Variants in PXYLP1 observed in about 807,000 individuals in gnomAD.
The protein encoded by PXYLP1 is 2-phosphoxylose phosphatase 1.
PXYLP1 carries 17 observed loss-of-function variants against 37.9 expected under a neutral mutation model. The observed-to-expected ratio is 0.45, with a 90% CI of 0.31 to 0.67. PXYLP1 has a LOEUF of 0.67. PXYLP1 is among the 30% of genes least tolerant of loss of function. The probability of loss-of-function intolerance (pLI) is 0.07; values close to 1 mark genes in which losing one functional copy is unlikely to be tolerated. For synonymous variants in PXYLP1, 221 were observed against 232.2 expected (o/e 0.95, Z 0.44); for missense variants, 511 against 612.0 (o/e 0.84, Z 1.74).
chr3:141,255,359 C>T (rs1000832511), intron 1 of PXYLP1, among the ~76,000 whole-genome samples: 5 of 152,332 alleles, frequency 3.3e-5, no homozygotes, highest in Middle Eastern at 3.4e-3. Context: ...TATGTTCAGC[C>T]TGGACATATA....
At chr3:141,259,150 A>G (rs1014004055) in intron 1 of PXYLP1, among the ~76,000 whole-genome samples, 2 of 152,224 alleles carry the variant, frequency 1.3e-5, no homozygotes, top group African/African-American at 4.8e-5. Flanking sequence ...ATTCACAGTT[A>G]CACAGCCCTC....
intron 4 of PXYLP1, among the ~76,000 whole-genome samples, chr3:141,280,073 CAG>C (rs1941910923): frequency 6.6e-6 from 1 of 152,164 alleles, no homozygotes; most frequent in African/African-American, 2.4e-5. Context: ...AATAATTGAA[CAG>C]AGTGTGGAAA....
intron 1 of PXYLP1, chr3:141,258,558 G>A (rs1231100134): frequency 6.5e-6 from 1 of 153,268 alleles, no homozygotes; most frequent in Non-Finnish European, 1.5e-5. Context: ...TGCCTCTCCA[G>A]CACTCAGAGA....
intron 1 of PXYLP1, among the ~76,000 whole-genome samples, chr3:141,255,075 C>T (rs1941235671): frequency 6.6e-6 from 1 of 152,176 alleles, no homozygotes; most frequent in Admixed American, 6.5e-5. Flanking sequence ...CCTTTTAATT[C>T]AGAAATGGTA....
At chr3:141,247,988 A>G (rs1399509880) in intron 1 of PXYLP1, among the ~76,000 whole-genome samples, 4 of 151,236 alleles carry the variant, frequency 2.6e-5, no homozygotes, top group Non-Finnish European at 5.9e-5. Flanking sequence ...GCTGAGCTGA[A>G]TCAAAGCTTC....
At chr3:141,235,136 T>C (rs954796266) in intron 1 of PXYLP1, 9 of 152,154 alleles carry the variant, frequency 5.9e-5, no homozygotes, top group African/African-American at 2.2e-4. Flanking sequence ...CACATTCCAG[T>C]GTAGGGGTTA....
At chr3:141,285,558 A>G (rs1046207083) in intron 4 of PXYLP1, among the ~76,000 whole-genome samples, 8 of 152,240 alleles carry the variant, frequency 5.3e-5, no homozygotes, top group African/African-American at 1.9e-4. Context: ...ATTGGAATGA[A>G]TGCAGTTAGA....
Position 141,292,769 on chromosome 3 carries a change from G to A in PXYLP1, c.1007G>A (p.Arg336Gln), listed in dbSNP as rs115260575. 21 of 1,613,492 alleles carry A rather than the reference G, an allele frequency of 1.3e-5. No homozygotes were observed. The highest frequency in any genetic ancestry group is 1.7e-4 in the Middle Eastern group (1 of 6,052). The stretch of plus-strand genomic sequence containing the variant: ...CAGATCGAGGATGAAAGGGAAAGAC[G>A]GGAGAAGAAATTGTACTTCGGGTAT... Reference protein sequence around the residue: ...THQIEDERERREKKLYFGYSL... With the variant: ...THQIEDERERQEKKLYFGYSL... Residue 336 changes from arginine (R) to glutamine (Q), a missense_variant, in exon 6 of 6, where the codon CGG becomes CAG. Coordinates refer to ENST00000286353, the MANE Select transcript of PXYLP1 (RefSeq NM_001037172.3). The surrounding 1 kb of genome is among the most constrained non-coding windows in gnomAD (Gnocchi z 4.3).
At chr3:141,274,542 G>C in intron 2 of PXYLP1, 2 of 1,295,322 alleles carry the variant, frequency 1.5e-6, no homozygotes, top group Non-Finnish European at 2.2e-6. Flanking sequence ...GACTGGTTCG[G>C]CAACCCTCAG....
At chr3:141,240,409 C>T (rs1940766439) in intron 1 of PXYLP1, among the ~76,000 whole-genome samples, 1 of 152,082 alleles carries the variant, frequency 6.6e-6, no homozygotes, top group Non-Finnish European at 1.5e-5. Context: ...GACTCAGGCT[C>T]TCAAGGCTGC....
At position 141,278,409 on chromosome 3, in the gene PXYLP1, C is replaced by T. The variant is rs772140782; in HGVS notation, c.147C>T (p.Pro49=). The T allele has an allele frequency of 1.4e-5, 23 of 1,614,186 alleles. No homozygotes were observed. The highest frequency in any genetic ancestry group is 2.7e-5 in the African/African-American group (2 of 75,040). The part of the protein sequence containing the change: ...MSSKSRKRIM[P]DPVTEPPVTD... ...GCAAGAGTCGAAAGAGAATCATGCC[C>T]GACCCTGTGACGGAGCCCCCTGTGA... The change falls in exon 3 of 6, where the codon CCC becomes CCT. Residue 49 remains proline, a synonymous_variant. Transcript: ENST00000286353.
At chr3:141,249,137 G>A (rs1321176732) in intron 1 of PXYLP1, among the ~76,000 whole-genome samples, 2 of 151,834 alleles carry the variant, frequency 1.3e-5, no homozygotes, top group Non-Finnish European at 2.9e-5. Flanking sequence ...TTCTAAGGAT[G>A]TAAAGTTCAT....
At chr3:141,275,997 C>T (rs1205866728) in intron 2 of PXYLP1, among the ~76,000 whole-genome samples, 2 of 152,116 alleles carry the variant, frequency 1.3e-5, no homozygotes, top group Non-Finnish European at 2.9e-5. Context: ...CTTTCTAAGT[C>T]GAGATATGTT....
rs1164153787 is a variant in PXYLP1, at chr3:141,248,758, TACAC to T, written c.-53-11360_-53-11357del. Among the ~76,000 whole-genome samples, 2 of 17,458 alleles carry T rather than the reference TACAC, an allele frequency of 1.1e-4. 1 individual carries two copies. Among genetic ancestry groups the T allele is most frequent in the African/African-American group, 2.4e-3 (2 of 832 alleles). 11.5% of individuals were successfully genotyped at this position (17,458 alleles called of 152,430 possible). On this transcript the variant is annotated intron_variant, in intron 1 of 5. Coordinates refer to ENST00000286353, the MANE Select transcript of PXYLP1 (RefSeq NM_001037172.3). Reference sequence around the variant, plus strand: ...GTGTATATATACACACGTATATATATACACACACGTGTATATATACACACGTATA... The same window carrying T: ...GTGTATATATACACACGTATATATATACACGTGTATATATACACACGTATA...
chr3:141,266,561 G>A (rs1474368728), intron 2 of PXYLP1, among the ~76,000 whole-genome samples: 1 of 148,816 alleles, frequency 6.7e-6, no homozygotes, highest in African/African-American at 2.4e-5. Context: ...GAAGCCAAGG[G>A]GGCAACCTGC....
rs1231900219 is a variant in PXYLP1 at position 141,255,659 on chromosome 3, G to T, written c.-53-4464G>T. 2.6e-5 allele frequency among the ~76,000 whole-genome samples: 4 copies of T among 152,352 alleles called. No homozygotes were observed. In the South Asian group the frequency reaches 6.2e-4, roughly 24 times the overall value. On this transcript the variant is annotated intron_variant, in intron 1 of 5. Coordinates refer to ENST00000286353, the MANE Select transcript of PXYLP1 (RefSeq NM_001037172.3). ...TATGAGTCTCACCAGATGTCTTGAG[G>T]AGCTGCTATAGACCCCAGGGGTAGG...
intron 4 of PXYLP1, among the ~76,000 whole-genome samples, chr3:141,281,216 C>T (rs1403427948): frequency 6.6e-6 from 1 of 152,174 alleles, no homozygotes; most frequent in East Asian, 1.9e-4. Flanking sequence ...GAAGGCAGTA[C>T]ACAAGCAGGC....
At chr3:141,288,410 A>G (rs1240046398) in intron 5 of PXYLP1, among the ~76,000 whole-genome samples, 1 of 152,230 alleles carries the variant, frequency 6.6e-6, no homozygotes, top group Non-Finnish European at 1.5e-5. Context: ...TTGGATAGAC[A>G]GAGTGGAACA....
chr3:141,279,212 G>T (rs558396608), intron 3 of PXYLP1, among the ~76,000 whole-genome samples, 166 bp from the exon 4 acceptor site: 11 of 152,214 alleles, frequency 7.2e-5, no homozygotes, highest in Admixed American at 2.6e-4. Flanking sequence ...ATCCAGAATG[G>T]CAGCCAGGGC....
Sources: gnomAD v4.1 joint callset for allele counts (sites outside exome capture counted in the v4.1 genomes callset) on GRCh38, gnomAD v4.1.1 for gene constraint, Gnocchi (gnomAD v3.1) non-coding constraint, MANE v1.5 for transcripts, NCBI Gene and HGNC (gene_info 2026-07-23, HGNC 2026-07-21) for gene names.